Variants in PCDHGA2 observed in about 807,000 individuals in gnomAD.
PCDHGA2 encodes the protein protocadherin gamma subfamily A, 2.
Under a neutral mutation model 59.2 loss-of-function variants are expected in PCDHGA2, and 40 were observed. The observed-to-expected ratio is 0.68, with a 90% CI of 0.52 to 0.88. PCDHGA2 has a LOEUF of 0.88. Ranked by LOEUF, PCDHGA2 falls within the 40% of genes least tolerant of loss-of-function variation. PCDHGA2 has a pLI of 0.00. For synonymous variants in PCDHGA2, 560 were observed against 526.0 expected (o/e 1.06, Z -0.89); for missense variants, 1,226 against 1,204.0 (o/e 1.02, Z -0.27).
chr5:141,487,355 G>A lies in PCDHGA2; in HGVS notation c.2425-7452G>A. ...AGCCTGTGGAGTCACATGCTTTCCT[G>A]CTGGCACCTGTGCCTGTCTCACCAG... On this transcript the variant is annotated intron_variant, in intron 1 of 3. Coordinates refer to ENST00000394576, the MANE Select transcript of PCDHGA2 (RefSeq NM_018915.4). This position sits in a 1 kb window ranked among gnomAD's most constrained non-coding sequence, Gnocchi z 5.0. 1 of 1,614,150 alleles carries A rather than the reference G, an allele frequency of 6.2e-7. No homozygotes were observed. Among genetic ancestry groups the A allele is most frequent in the South Asian group, 1.1e-5 (1 of 91,090 alleles).
intron 1 of PCDHGA2, chr5:141,428,003 C>A (rs1175875944): frequency 2.5e-6 from 4 of 1,601,244 alleles, no homozygotes; most frequent in Non-Finnish European, 3.4e-6. Context: ...CCGCACTCTT[C>A]GATATAGTGC....
chr5:141,421,277 T>C (rs761435958), intron 1 of PCDHGA2: 2 of 1,612,826 alleles, frequency 1.2e-6, no homozygotes, highest in Non-Finnish European at 1.7e-6. Flanking sequence ...CTGCTGCTGC[T>C]GTGCATTTTC....
chr5:141,424,295 C>T (rs1481053072), intron 1 of PCDHGA2: 1 of 152,526 alleles, frequency 6.6e-6, no homozygotes, highest in East Asian at 1.9e-4. Flanking sequence ...TTTCTTCATC[C>T]TATCAACACA....
At chr5:141,399,763 G>A (rs753865606) in intron 1 of PCDHGA2, 8 of 1,613,378 alleles carry the variant, frequency 5.0e-6, no homozygotes, top group Admixed American at 1.7e-5. Context: ...GAGCCTGCGC[G>A]TGTTGGTGGG....
chr5:141,370,737 A>T, intron 1 of PCDHGA2: 2 of 1,613,928 alleles, frequency 1.2e-6, no homozygotes, highest in Non-Finnish European at 1.7e-6. Flanking sequence ...AAAGCCTTTA[A>T]ACTTTTTTCA....
chr5:141,382,913 C>T (rs1778570973), intron 1 of PCDHGA2: 1 of 1,553,116 alleles, frequency 6.4e-7, no homozygotes, highest in Admixed American at 2.0e-5. Flanking sequence ...GCGGCTCAGC[C>T]GAGGGGCGGG....
In PCDHGA2 at chr5:141,385,085, A is replaced by G. The variant is rs753751562; in HGVS notation, c.2424+43690A>G. The G allele has an allele frequency of 1.1e-5, 18 of 1,614,014 alleles. No homozygotes were observed. In the Admixed American group the frequency reaches 3.0e-4, roughly 27 times the overall value. On this transcript the variant is annotated intron_variant, in intron 1 of 3. Transcript: ENST00000394576. ...AAGTCACGCCTGCTGCAGGCTTCAGAAGGTGGCTTGGCGAACGTGCCCACC... is the reference window on the plus strand; with the variant it reads ...AAGTCACGCCTGCTGCAGGCTTCAGGAGGTGGCTTGGCGAACGTGCCCACC...
chr5:141,497,217 G>A (rs1046945884), intron 2 of PCDHGA2, among the ~76,000 whole-genome samples: 1 of 152,066 alleles, frequency 6.6e-6, no homozygotes, highest in African/African-American at 2.4e-5. Flanking sequence ...AATGGGGGGG[G>A]GAAGATCAGA....
In PCDHGA2 at chr5:141,340,447, G is replaced by T. The variant is rs1237482092; in HGVS notation, c.1476G>T (p.Ala492=). 1.9e-6 allele frequency: 3 copies of T among 1,614,054 alleles called. No individual in the cohort carries two copies. The highest frequency in any genetic ancestry group is 2.5e-6 in the Non-Finnish European group (3 of 1,180,042). Reference sequence around the variant, plus strand: ...ATGCTCATGTAACTTACTCTTTCGCGGAGGACACTGTTCAGGGGGCACCCT... The same window carrying T: ...ATGCTCATGTAACTTACTCTTTCGCTGAGGACACTGTTCAGGGGGCACCCT... ...NDNAHVTYSF[A]EDTVQGAPLS... Residue 492 remains alanine, a synonymous_variant, in exon 1 of 4, where the codon GCG becomes GCT. Transcript: ENST00000394576.
chr5:141,347,137 CTCTTTCTTTCTTTCTT>C (rs70988799), intron 1 of PCDHGA2, among the ~76,000 whole-genome samples: 2,102 of 113,832 alleles, frequency 0.018, 34 homozygotes, highest in Non-Finnish European at 0.025. Flanking sequence ...CTCTGTTTCT[CTCTTTCTTTCTTTCTT>C]TCTTTCTTTC....
chr5:141,389,284 C>A, intron 1 of PCDHGA2: 1 of 1,614,048 alleles, frequency 6.2e-7, no homozygotes, highest in Non-Finnish European at 8.5e-7. Flanking sequence ...CCGCCTGGAG[C>A]CTCTATTTCA....
Position 141,420,413 on chromosome 5 carries a change from A to G in PCDHGA2, c.2425-74394A>G, listed in dbSNP as rs191893876. 4 of 1,222,394 alleles carry G rather than the reference A, an allele frequency of 3.3e-6. No individual in the cohort carries two copies. In the Admixed American group the frequency reaches 1.1e-4, roughly 33 times the overall value. 75.7% of individuals were successfully genotyped at this position (1,222,394 alleles called of 1,614,324 possible). A position where few individuals can be genotyped will look rare whatever the true frequency, so the allele number is the denominator to read the frequency against. ...ATAGGTCAAATTTATGGTTATCATT[A>G]TTAAAACAAAAGTTTAAATTAAATG... On this transcript the variant is annotated intron_variant, in intron 1 of 3. Transcript: ENST00000394576.
At chr5:141,385,471 C>T in intron 1 of PCDHGA2, 4 of 1,437,776 alleles carry the variant, frequency 2.8e-6, no homozygotes, top group South Asian at 3.1e-5. Context: ...AGTGGTGACA[C>T]TTTAATATAG....
At chr5:141,394,199 A>T (rs1353569032) in intron 1 of PCDHGA2, 1 of 1,613,840 alleles carries the variant, frequency 6.2e-7, no homozygotes, top group Non-Finnish European at 8.5e-7. Context: ...CGTATATCCT[A>T]GAGAACAACC....
intron 1 of PCDHGA2, among the ~76,000 whole-genome samples, chr5:141,353,347 CATTA>C (rs1036670182): frequency 5.9e-5 from 9 of 152,262 alleles, no homozygotes; most frequent in African/African-American, 1.9e-4. Flanking sequence ...TCATCAATTA[CATTA>C]ATTATGTAAT....
intron 1 of PCDHGA2, among the ~76,000 whole-genome samples, chr5:141,434,616 T>C (rs911085192): frequency 1.3e-5 from 2 of 152,204 alleles, no homozygotes; most frequent in East Asian, 1.9e-4. Context: ...TCCGCCCATC[T>C]CTTCGTTTCC....
chr5:141,411,017 A>T lies in PCDHGA2; in HGVS notation c.2424+69622A>T, dbSNP rs140607036. ...TACTGGTGCCCCTCACCACAGCTAA[A>T]TTTTTTGTATTTTTAGTAGACATGG... On this transcript the variant is annotated intron_variant, in intron 1 of 3. Transcript: ENST00000394576. 3.9e-3 allele frequency: 631 copies of T among 162,486 alleles called. 5 individuals are homozygous for T. Among genetic ancestry groups the T allele is most frequent in the Admixed American group, 0.011 (172 of 16,000 alleles). 10.1% of individuals were successfully genotyped at this position (162,486 alleles called of 1,614,324 possible).
Position 141,457,874 on chromosome 5 carries a change from G to A in PCDHGA2, c.2425-36933G>A, listed in dbSNP as rs1592531610. Among the ~76,000 whole-genome samples, 7 of 152,320 alleles carry A rather than the reference G, an allele frequency of 4.6e-5. No homozygotes were observed. In the South Asian group the frequency reaches 1.5e-3, roughly 32 times the overall value. On this transcript the variant is annotated intron_variant, in intron 1 of 3. Transcript: ENST00000394576. ...ACATTCTTCACTGACCACAGGTTAGGAACCCTGTGTGGGGACTGTGTAGAC... is the reference window on the plus strand; with the variant it reads ...ACATTCTTCACTGACCACAGGTTAGAAACCCTGTGTGGGGACTGTGTAGAC...
chr5:141,351,841 A>C (rs3749777), intron 1 of PCDHGA2: 1 of 1,612,968 alleles, frequency 6.2e-7, no homozygotes, highest in African/African-American at 1.3e-5. Flanking sequence ...TCGAGCTCAC[A>C]CTGCAGGCCA....
Sources: allele counts gnomAD v4.1 joint callset (sites outside exome capture counted in the v4.1 genomes callset), GRCh38; gene constraint gnomAD v4.1.1; non-coding constraint Gnocchi (gnomAD v3.1); transcripts MANE v1.5; gene names NCBI Gene and HGNC (gene_info 2026-07-23, HGNC 2026-07-21).